MAN1A2: variants seen among roughly 807,000 people sequenced by gnomAD.
The protein encoded by MAN1A2 is mannosidase alpha class 1A member 2.
In MAN1A2, 26 loss-of-function variants were observed where a neutral mutation model predicts 75.7. The observed-to-expected ratio is 0.34, with a 90% CI of 0.25 to 0.48. MAN1A2 has a LOEUF of 0.48. Among genes scored for constraint, MAN1A2 ranks in the 20% least tolerant of loss-of-function variants. The probability of loss-of-function intolerance (pLI) is 0.99; values close to 1 mark genes in which losing one functional copy is unlikely to be tolerated. For synonymous variants in MAN1A2, 247 were observed against 264.6 expected (o/e 0.93, Z 0.65); for missense variants, 562 against 775.5 (o/e 0.72, Z 3.27).
At chr1:117,510,958 A>G (rs1401591901) in intron 12 of MAN1A2, among the ~76,000 whole-genome samples, 6 of 152,024 alleles carry the variant, frequency 3.9e-5, no homozygotes, top group African/African-American at 1.2e-4. Flanking sequence ...CATCATCTGT[A>G]TTAGTCCATT....
intron 8 of MAN1A2, among the ~76,000 whole-genome samples, chr1:117,480,716 A>T (rs1650470286): frequency 6.6e-6 from 1 of 151,694 alleles, no homozygotes; most frequent in African/African-American, 2.4e-5. Flanking sequence ...TCTTGTTTAT[A>T]TTTTTTCTAA....
intron 12 of MAN1A2, among the ~76,000 whole-genome samples, chr1:117,518,960 A>G (rs920745709): frequency 1.3e-5 from 2 of 152,120 alleles, no homozygotes; most frequent in Non-Finnish European, 2.9e-5. Flanking sequence ...TAATAAATTT[A>G]AGAATATTGA....
In MAN1A2 at chr1:117,528,180, T is replaced by C. The variant is rs1652075236; in HGVS notation, c.*5223T>C. The C allele has an allele frequency of 6.6e-6, 1 of 152,088 alleles. No individual in the cohort carries two copies. The highest frequency in any genetic ancestry group is 1.5e-5 in the Non-Finnish European group (1 of 67,988). The allele number at this position is 152,088 out of a possible 1,614,324, so 9.4% of individuals were successfully genotyped here. A position where few individuals can be genotyped will look rare whatever the true frequency, so the allele number is the denominator to read the frequency against. Reference sequence around the variant, plus strand: ...CTAGCAATTGCAGAACTCATAAAATTGCTTGTGAAATTACACACCATATTA... The same window carrying C: ...CTAGCAATTGCAGAACTCATAAAATCGCTTGTGAAATTACACACCATATTA... On this transcript the variant is annotated 3_prime_UTR_variant, in exon 13 of 13. Transcript: ENST00000356554.
rs1176037055 is a variant in MAN1A2, at chr1:117,402,416, G to T, written c.533G>T (p.Arg178Ile). The T allele has an allele frequency of 6.3e-7, 1 of 1,597,930 alleles. No individual in the cohort carries two copies. Among genetic ancestry groups the T allele is most frequent in the African/African-American group, 1.4e-5 (1 of 73,568 alleles). The change falls in exon 2 of 13, where the codon AGA becomes ATA. Residue 178 changes from arginine to isoleucine, a missense_variant. By Grantham distance (97) the Arg-to-Ile change is moderately conservative. This residue lies in a region of MAN1A2 where 434 missense variants were observed against 645.7 expected (regional missense o/e 0.67). Transcript: ENST00000356554. ...GGAGACCCAGAAGATAATGACATAA[G>T]AGAGAAAAGGGAAAAAATTAAAGAG... ...RGGDPEDNDI[R>I]EKREKIKEMM... is the part of the protein sequence containing the mutation.
chr1:117,451,813 G>T (rs1469250185), intron 6 of MAN1A2, among the ~76,000 whole-genome samples: 1 of 152,122 alleles, frequency 6.6e-6, no homozygotes, highest in African/African-American at 2.4e-5. Flanking sequence ...TCTCAGGTAT[G>T]TCTTTATCAG....
chr1:117,438,971 T>A (rs1048701261), intron 5 of MAN1A2, among the ~76,000 whole-genome samples: 1 of 152,198 alleles, frequency 6.6e-6, no homozygotes, highest in African/African-American at 2.4e-5. Context: ...TAAAGGAGTT[T>A]AAATTTCAAA....
intron 1 of MAN1A2, among the ~76,000 whole-genome samples, chr1:117,373,542 A>G (rs1215836649): frequency 1.3e-5 from 2 of 151,158 alleles, no homozygotes; most frequent in African/African-American, 4.9e-5. Context: ...CAGTGGCACA[A>G]TTACAGTTCA....
intron 12 of MAN1A2, among the ~76,000 whole-genome samples, chr1:117,511,496 T>C (rs1322180535): frequency 6.6e-6 from 1 of 151,978 alleles, no homozygotes; most frequent in East Asian, 1.9e-4. Flanking sequence ...TTTTTTTTAA[T>C]CTATCTTCCA....
chr1:117,468,851 TG>T (rs1650055927), intron 8 of MAN1A2, among the ~76,000 whole-genome samples: 1 of 152,186 alleles, frequency 6.6e-6, no homozygotes, highest in Non-Finnish European at 1.5e-5. Context: ...AAGTGTTATG[TG>T]TGGTTTTCTT....
chr1:117,386,165 A>G (rs993686804), intron 1 of MAN1A2, among the ~76,000 whole-genome samples: 2 of 152,248 alleles, frequency 1.3e-5, no homozygotes, highest in Admixed American at 6.5e-5. Context: ...CTTAAGCAAC[A>G]TAAAGGAAAC....
intron 4 of MAN1A2, among the ~76,000 whole-genome samples, chr1:117,419,971 T>A (rs969121627): frequency 3.9e-5 from 6 of 152,092 alleles, no homozygotes; most frequent in Non-Finnish European, 8.8e-5. Context: ...AAAATTTTTT[T>A]AAACATTTAT....
In MAN1A2 at chr1:117,414,800, G is replaced by A. The variant is rs1647936796; in HGVS notation, c.743G>A (p.Arg248Lys). ...GLHDEFLDGQ[R>K]WIEDNLDFSV... ...CATGATGAATTCCTAGATGGGCAAA[G>A]ATGGATTGAAGACAACCTTGATTTC... Residue 248 changes from arginine to lysine, a missense_variant, in exon 4 of 13, where the codon AGA becomes AAA. Physicochemically the swap from Arg to Lys is conservative, Grantham distance 26. This residue lies in a region of MAN1A2 where 434 missense variants were observed against 645.7 expected (regional missense o/e 0.67). Transcript: ENST00000356554. The A allele has an allele frequency of 1.2e-6, 2 of 1,608,136 alleles. No homozygotes were observed. Among genetic ancestry groups the A allele is most frequent in the Non-Finnish European group, 1.7e-6 (2 of 1,175,368 alleles).
chr1:117,438,052 G>C (rs898177304), intron 5 of MAN1A2, among the ~76,000 whole-genome samples: 1 of 152,164 alleles, frequency 6.6e-6, no homozygotes. Flanking sequence ...AAATAAGATA[G>C]ATATGTGAGA....
intron 1 of MAN1A2, among the ~76,000 whole-genome samples, chr1:117,371,207 C>T (rs1216337982): frequency 6.6e-6 from 1 of 152,010 alleles, no homozygotes; most frequent in African/African-American, 2.4e-5. Context: ...TGTATATTTT[C>T]TGAAAAGTAG....
In MAN1A2 at chr1:117,528,430, G is replaced by C. The variant is rs912029481; in HGVS notation, c.*5473G>C. On this transcript the variant is annotated 3_prime_UTR_variant, in exon 13 of 13. Coordinates refer to ENST00000356554, the MANE Select transcript of MAN1A2 (RefSeq NM_006699.5). ...TTGCTTCAGCTCGGTGTGAATGTAA[G>C]TGTGGGGATCAAACACACACACCTA... The C allele has an allele frequency of 3.3e-5, 5 of 152,022 alleles. No individual in the cohort carries two copies. Among genetic ancestry groups the C allele is most frequent in the African/African-American group, 1.2e-4 (5 of 41,410 alleles). 9.4% of individuals were successfully genotyped at this position (152,022 alleles called of 1,614,324 possible). A position where few individuals can be genotyped will look rare whatever the true frequency, so the allele number is the denominator to read the frequency against.
chr1:117,411,973 A>G (rs1647834543), intron 3 of MAN1A2, among the ~76,000 whole-genome samples: 1 of 151,778 alleles, frequency 6.6e-6, no homozygotes, highest in East Asian at 1.9e-4. Context: ...GTTGCTCACA[A>G]ATGAGATCAG....
At chr1:117,436,634 C>T (rs926703096) in intron 5 of MAN1A2, among the ~76,000 whole-genome samples, 2 of 152,130 alleles carry the variant, frequency 1.3e-5, no homozygotes, top group Non-Finnish European at 2.9e-5. Flanking sequence ...AGGTAATGTC[C>T]ACCCTGGATA....
At chr1:117,481,619 T>G (rs1235417091) in intron 8 of MAN1A2, among the ~76,000 whole-genome samples, 1 of 151,990 alleles carries the variant, frequency 6.6e-6, no homozygotes, top group Non-Finnish European at 1.5e-5. Context: ...TGTCTGCAGG[T>G]AGATGACAAG....
At chr1:117,464,380 G>A (rs1209583085) in intron 7 of MAN1A2, among the ~76,000 whole-genome samples, 1 of 138,440 alleles carries the variant, frequency 7.2e-6, no homozygotes, top group Non-Finnish European at 1.6e-5. Context: ...ACAGAACACT[G>A]CAAATTCCAT....
Sources: allele counts gnomAD v4.1 joint callset (sites outside exome capture counted in the v4.1 genomes callset), GRCh38; gene constraint gnomAD v4.1.1; regional missense constraint gnomAD v4.1.1; transcripts MANE v1.5; gene names NCBI Gene and HGNC (gene_info 2026-07-23, HGNC 2026-07-21).